The following ACTR1A variants were observed in gnomAD, a reference collection of about 807,000 sequenced individuals.
ACTR1A encodes alpha-centractin.
In ACTR1A, 10 loss-of-function variants were observed where a neutral mutation model predicts 50.7. The observed-to-expected ratio is 0.20, with a 90% CI of 0.12 to 0.33. The LOEUF is 0.33. Ranked by LOEUF, ACTR1A falls within the 10% of genes least tolerant of loss-of-function variation. The pLI is 1.00. For missense variants in ACTR1A, 253 were observed against 491.7 expected (o/e 0.51, Z 4.59); for synonymous variants, 177 against 184.2 (o/e 0.96, Z 0.32).
rs146288295 is a variant in ACTR1A, at chr10:102,483,074, T to C, written c.687A>G (p.Gln229=). The change falls in exon 7 of 11, where the codon CAA becomes CAG. Residue 229 remains glutamine, a synonymous_variant. Coordinates refer to ENST00000369905, the MANE Select transcript of ACTR1A (RefSeq NM_005736.4). ...TCTCTGTCTCTAGCGTCTCATCCTT[T>C]TGGGGGTTTATGGATAGGTAACAGG... The part of the protein sequence containing the change: ...ERACYLSINP[Q]KDETLETEKA... 1.9e-6 allele frequency: 3 copies of C among 1,614,138 alleles called. No individual in the cohort carries two copies. The highest frequency in any genetic ancestry group is 1.7e-6 in the Non-Finnish European group (2 of 1,179,996).
intron 1 of ACTR1A, among the ~76,000 whole-genome samples, chr10:102,501,244 A>T (rs1302294461): frequency 1.3e-5 from 2 of 152,234 alleles, no homozygotes; most frequent in East Asian, 1.9e-4. Flanking sequence ...TAGTCTGATG[A>T]CTGGCTCCTC....
intron 1 of ACTR1A, among the ~76,000 whole-genome samples, chr10:102,496,844 G>A (rs1225102701): frequency 6.6e-6 from 1 of 152,192 alleles, no homozygotes; most frequent in East Asian, 1.9e-4. Context: ...GGTTCTTGTT[G>A]ATTTGATTAG....
intron 9 of ACTR1A, 77 bp downstream of exon 9, chr10:102,481,760 A>G: frequency 6.5e-7 from 1 of 1,541,074 alleles, no homozygotes; most frequent in Admixed American, 1.7e-5. Context: ...GGGCAAAGCT[A>G]GAGGGAAGCT....
chr10:102,491,740 C>T (rs906674378), intron 1 of ACTR1A, among the ~76,000 whole-genome samples: 1 of 152,108 alleles, frequency 6.6e-6, no homozygotes, highest in Non-Finnish European at 1.5e-5. Context: ...GATGTCAAGG[C>T]TTAGTATTGC....
In ACTR1A at chr10:102,484,304, A is replaced by G. The variant is rs1339924715; in HGVS notation, c.513T>C (p.Tyr171=). The change falls in exon 6 of 11, where the codon TAT becomes TAC. Residue 171 remains tyrosine, a synonymous_variant. Transcript: ENST00000369905. ...TGGAGTGGGGCATGGCAAAGCCCTC[A>G]TAGATGGGCACAGCATGGGTGACTC... The part of the protein sequence containing the change: ...GDGVTHAVPI[Y]EGFAMPHSIM... 2.3e-5 allele frequency: 37 copies of G among 1,614,192 alleles called. No homozygotes were observed. The highest frequency in any genetic ancestry group is 3.0e-5 in the Non-Finnish European group (35 of 1,180,016).
Position 102,479,751 on chromosome 10 carries a change from C to A in ACTR1A, c.*1112G>T. 1 of 1,147,298 alleles carries A rather than the reference C, an allele frequency of 8.7e-7. No individual in the cohort carries two copies. Among genetic ancestry groups the A allele is most frequent in the Non-Finnish European group, 1.2e-6 (1 of 867,714 alleles). The allele number at this position is 1,147,298 out of a possible 1,614,324, so 71.1% of individuals were successfully genotyped here. ...TTGGTAAATTGCAGCTTTCTCCAGT[C>A]TTAAGGGCACTGGCTCTCCAACACC... On this transcript the variant is annotated 3_prime_UTR_variant, in exon 11 of 11. Transcript: ENST00000369905. This position sits in a 1 kb window ranked among gnomAD's most constrained non-coding sequence, Gnocchi z 4.0.
At chr10:102,497,909 A>G (rs2062230046) in intron 1 of ACTR1A, among the ~76,000 whole-genome samples, 1 of 147,410 alleles carries the variant, frequency 6.8e-6, no homozygotes. Flanking sequence ...CCTGGGGAAC[A>G]CAGGGAGACC....
intron 2 of ACTR1A, 50 bp downstream of exon 2, chr10:102,490,499 G>A (rs1290500210): frequency 2.7e-6 from 4 of 1,502,368 alleles, no homozygotes; most frequent in Non-Finnish European, 3.7e-6. Context: ...GGCTGGGCCT[G>A]TAACAAAGCT....
chr10:102,484,032 G>C lies in ACTR1A; in HGVS notation c.657+128C>G, dbSNP rs962383593. The C allele has an allele frequency of 1.1e-5, 9 of 796,082 alleles. No individual in the cohort carries two copies. In the African/African-American group the frequency reaches 1.5e-4, roughly 14 times the overall value. The allele number at this position is 796,082 out of a possible 1,614,324, so 49.3% of individuals were successfully genotyped here. On this transcript the variant is annotated intron_variant, in intron 6 of 10. Transcript: ENST00000369905. Reference sequence around the variant, plus strand: ...TGTGACGTAGGGGAGACCTGGCTGGGAAGAACAAGGCCTCACCAGGGACCC... The same window carrying C: ...TGTGACGTAGGGGAGACCTGGCTGGCAAGAACAAGGCCTCACCAGGGACCC...
At chr10:102,496,880 T>A (rs2062224882) in intron 1 of ACTR1A, among the ~76,000 whole-genome samples, 1 of 152,156 alleles carries the variant, frequency 6.6e-6, no homozygotes, top group South Asian at 2.1e-4. Context: ...ATTGATTATG[T>A]TTTTAAATGA....
chr10:102,492,552 CTAAG>C (rs1000903610), intron 1 of ACTR1A, among the ~76,000 whole-genome samples: 4 of 152,202 alleles, frequency 2.6e-5, no homozygotes. Flanking sequence ...CCTGGAGACT[CTAAG>C]TAGCCAAGGT....
intron 1 of ACTR1A, among the ~76,000 whole-genome samples, chr10:102,498,669 C>T (rs2062233658): frequency 6.6e-6 from 1 of 151,382 alleles, no homozygotes; most frequent in South Asian, 2.1e-4. Context: ...GATGAAGTCT[C>T]ACTATGTTGC....
In ACTR1A at chr10:102,493,001, C is replaced by CAAAAAAAAAAAAAAAAAAAAAAA. The variant is rs398014648; in HGVS notation, c.49-2411_49-2389dup. On this transcript the variant is annotated intron_variant, in intron 1 of 10. Transcript: ENST00000369905. ...AGGGAGACAGAGTGAGACTCCACCT[C>CAAAAAAAAAAAAAAAAAAAAAAA]AAAAAAAAAAAAAAAAAAAAAAAGA... Among the ~76,000 whole-genome samples, 112 of 48,930 alleles carry CAAAAAAAAAAAAAAAAAAAAAAA rather than the reference C, an allele frequency of 2.3e-3. 20 individuals are homozygous for CAAAAAAAAAAAAAAAAAAAAAAA. The highest frequency in any genetic ancestry group is 3.2e-3 in the Non-Finnish European group (94 of 29,672). 32.1% of individuals were successfully genotyped at this position (48,930 alleles called of 152,430 possible).
At chr10:102,501,890 CCTTT>C (rs1444331424) in intron 1 of ACTR1A, among the ~76,000 whole-genome samples, 3 of 152,374 alleles carry the variant, frequency 2.0e-5, no homozygotes, top group South Asian at 2.1e-4. Context: ...CTCTCTGCTT[CCTTT>C]GTCACTCTCC....
chr10:102,499,791 A>C (rs1484261039), intron 1 of ACTR1A, among the ~76,000 whole-genome samples: 1 of 152,244 alleles, frequency 6.6e-6, no homozygotes, highest in Non-Finnish European at 1.5e-5. Context: ...GTGCTCTCTG[A>C]AAATCAACAT....
chr10:102,497,061 C>T (rs2062225696), intron 1 of ACTR1A, among the ~76,000 whole-genome samples: 1 of 151,846 alleles, frequency 6.6e-6, no homozygotes, highest in Admixed American at 6.6e-5. Context: ...TGCCTGTAGT[C>T]CCAACTACTC....
chr10:102,483,002 G>C lies in ACTR1A; in HGVS notation c.750+9C>G, dbSNP rs1479393024. 6.2e-7 allele frequency: 1 copy of C among 1,610,538 alleles called. No individual in the cohort carries two copies. Among genetic ancestry groups the C allele is most frequent in the Non-Finnish European group, 8.5e-7 (1 of 1,176,796 alleles). On this transcript the variant is annotated intron_variant, in intron 7 of 10. Coordinates refer to ENST00000369905, the MANE Select transcript of ACTR1A (RefSeq NM_005736.4). ...TAAGGGGACCGAAGAAAGAAGGCAG[G>C]CCACCTACCTCAATGGTGCTGCCAT...
At chr10:102,487,850 C>T (rs981636441) in intron 4 of ACTR1A, among the ~76,000 whole-genome samples, 1 of 152,092 alleles carries the variant, frequency 6.6e-6, no homozygotes, top group Non-Finnish European at 1.5e-5. Context: ...CCAGGATGGT[C>T]TCGATCTCCT....
rs1178315662 is a variant in ACTR1A, at chr10:102,482,034, T to C, written c.892A>G (p.Ile298Val). 25 of 1,613,928 alleles carry C rather than the reference T, an allele frequency of 1.5e-5. No individual in the cohort carries two copies. Among genetic ancestry groups the C allele is most frequent in the East Asian group, 4.5e-5 (2 of 44,866 alleles). Residue 298 changes from isoleucine (I) to valine (V), a missense_variant, in exon 8 of 11, where the codon ATT becomes GTT. Physicochemically the swap from Ile to Val is conservative, Grantham distance 29. This residue lies in a region of ACTR1A where 27 missense variants were observed against 80.7 expected (regional missense o/e 0.33). Transcript: ENST00000369905. The surrounding 1 kb of genome is among the most constrained non-coding windows in gnomAD (Gnocchi z 5.6). Reference sequence around the variant, plus strand: ...AGGGTAGAGCCTCCTGAGAGGACAATGTTAGAGAAAAGCGTGCGCCGCAGG... The same window carrying C: ...AGGGTAGAGCCTCCTGAGAGGACAACGTTAGAGAAAAGCGTGCGCCGCAGG... ...MDLRRTLFSNIVLSGGSTLFK... is the reference protein window; with the variant it reads ...MDLRRTLFSNVVLSGGSTLFK...
Sources: allele counts gnomAD v4.1 joint callset (sites outside exome capture counted in the v4.1 genomes callset), GRCh38; gene constraint gnomAD v4.1.1; regional missense constraint gnomAD v4.1.1; non-coding constraint Gnocchi (gnomAD v3.1); transcripts MANE v1.5; gene names NCBI Gene and HGNC (gene_info 2026-07-23, HGNC 2026-07-21).